GOLGA1: variants seen among roughly 807,000 people sequenced by gnomAD.
The protein encoded by GOLGA1 is golgin subfamily A member 1.
A neutral mutation model predicts 119.7 loss-of-function variants in GOLGA1; 63 were observed. The observed-to-expected ratio is 0.53, with a 90% CI of 0.43 to 0.65. The LOEUF is 0.65. GOLGA1 is among the 30% of genes least tolerant of loss of function. The pLI is 0.00. For synonymous variants in GOLGA1, 318 were observed against 333.4 expected (o/e 0.95, Z 0.50); for missense variants, 798 against 912.8 (o/e 0.87, Z 1.62).
At chr9:124,917,008 T>C (rs1158123540) in intron 10 of GOLGA1, among the ~76,000 whole-genome samples, 1 of 150,756 alleles carries the variant, frequency 6.6e-6, no homozygotes, top group Non-Finnish European at 1.5e-5. Flanking sequence ...CCAGGTATCA[T>C]ATGAATGTTT....
intron 11 of GOLGA1, among the ~76,000 whole-genome samples, chr9:124,908,988 CT>C (rs1261829617): frequency 6.6e-6 from 1 of 152,166 alleles, no homozygotes; most frequent in African/African-American, 2.4e-5. Flanking sequence ...GGAGTTAGAA[CT>C]TGATTCTGTA....
intron 15 of GOLGA1, 54 bp from the exon 16 acceptor site, chr9:124,890,532 G>T: frequency 1.5e-6 from 2 of 1,324,024 alleles, no homozygotes; most frequent in Non-Finnish European, 1.1e-6. Context: ...TTTTTTAGCT[G>T]TATGCCACGC....
chr9:124,899,427 C>T lies in GOLGA1; in HGVS notation c.1213G>A (p.Glu405Lys), dbSNP rs781618865. The T allele has an allele frequency of 6.5e-7, 1 of 1,548,576 alleles. No homozygotes were observed. The highest frequency in any genetic ancestry group is 2.0e-5 in the Admixed American group (1 of 51,228). The change falls in exon 14 of 23, where the codon GAG becomes AAG. Residue 405 changes from glutamate to lysine, a missense_variant. Physicochemically the swap from Glu to Lys is moderately conservative, Grantham distance 56. Transcript: ENST00000373555. ...SHVQQQALAL[E>K]QQFLERTQAL... is the part of the protein sequence containing the mutation. ...TGGGTGCGCTCCAAGAACTGCTGCT[C>T]CAGAGCAAGGGCCTGCTGCTGCACA...
intron 7 of GOLGA1, among the ~76,000 whole-genome samples, chr9:124,925,345 G>A (rs1332924133): frequency 7.1e-6 from 1 of 141,410 alleles, no homozygotes. Flanking sequence ...GTCATTAATA[G>A]CATATGGTTG....
chr9:124,893,799 G>A (rs138361391), intron 15 of GOLGA1, among the ~76,000 whole-genome samples: 19 of 152,276 alleles, frequency 1.2e-4, no homozygotes, highest in African/African-American at 3.9e-4. Context: ...ATACCACCAC[G>A]GCAAAAGCTG....
At chr9:124,909,174 G>A (rs996198176) in intron 11 of GOLGA1, among the ~76,000 whole-genome samples, 5 of 151,980 alleles carry the variant, frequency 3.3e-5, no homozygotes, top group Non-Finnish European at 5.9e-5. Context: ...TTAGCTGGAT[G>A]TGGTGGTGGG....
In GOLGA1 at chr9:124,878,323, G is replaced by A. The variant is rs1369834963; in HGVS notation, c.*2207C>T. The A allele has an allele frequency of 6.6e-6, 1 of 152,302 alleles. No homozygotes were observed. The highest frequency in any genetic ancestry group is 2.4e-5 in the African/African-American group (1 of 41,448). 9.4% of individuals were successfully genotyped at this position (152,302 alleles called of 1,614,324 possible). ...AGACACAAAATACCAGATTTAATGAGTCAAAGAAATACTGACACACCAAAC... is the reference window on the plus strand; with the variant it reads ...AGACACAAAATACCAGATTTAATGAATCAAAGAAATACTGACACACCAAAC... On this transcript the variant is annotated 3_prime_UTR_variant, in exon 23 of 23. Coordinates refer to ENST00000373555, the MANE Select transcript of GOLGA1 (RefSeq NM_002077.4).
chr9:124,885,267 G>T (rs1325764114), intron 19 of GOLGA1, among the ~76,000 whole-genome samples: 1 of 151,662 alleles, frequency 6.6e-6, no homozygotes, highest in African/African-American at 2.4e-5. Context: ...GGCGGAGGTT[G>T]CAGTGAGCTG....
chr9:124,938,209 C>A (rs901503368), intron 3 of GOLGA1, among the ~76,000 whole-genome samples: 1 of 152,136 alleles, frequency 6.6e-6, no homozygotes, highest in South Asian at 2.1e-4. Context: ...ACTCAGAGAC[C>A]TTGTTAAGCA....
intron 10 of GOLGA1, among the ~76,000 whole-genome samples, chr9:124,916,384 G>C (rs954543072): frequency 1.3e-5 from 2 of 151,676 alleles, no homozygotes; most frequent in African/African-American, 2.4e-5. Context: ...GAATAAACTA[G>C]AAAAAAATAG....
chr9:124,922,926 C>G (rs1348008761), intron 8 of GOLGA1, among the ~76,000 whole-genome samples, 169 bp downstream of exon 8: 1 of 151,986 alleles, frequency 6.6e-6, no homozygotes, highest in East Asian at 1.9e-4. Flanking sequence ...TTAAACAGAA[C>G]TTTTCTATTT....
intron 5 of GOLGA1, 88 bp from the exon 6 acceptor site, chr9:124,928,373 T>A: frequency 1.6e-6 from 1 of 621,364 alleles, no homozygotes; most frequent in Non-Finnish European, 2.8e-6. Flanking sequence ...TGTCACCTAA[T>A]GAAAAAGGCC....
chr9:124,939,142 G>GT (rs78434694), intron 2 of GOLGA1, among the ~76,000 whole-genome samples: 159 of 145,098 alleles, frequency 1.1e-3, no homozygotes, highest in Admixed American at 2.0e-3. Context: ...AAATCTCTAC[G>GT]TTTTTTTTTT....
intron 12 of GOLGA1, 54 bp downstream of exon 12, chr9:124,908,323 C>T: frequency 1.1e-6 from 1 of 907,188 alleles, no homozygotes. Context: ...ACCATGTTGC[C>T]ATTCAGCCAG....
intron 3 of GOLGA1, among the ~76,000 whole-genome samples, chr9:124,932,750 G>A (rs932953156): frequency 6.6e-6 from 1 of 152,136 alleles, no homozygotes; most frequent in African/African-American, 2.4e-5. Flanking sequence ...TGGAGCCTAG[G>A]AAGTCCAAAA....
intron 15 of GOLGA1, among the ~76,000 whole-genome samples, chr9:124,893,083 T>C (rs1483475506): frequency 6.6e-6 from 1 of 152,216 alleles, no homozygotes; most frequent in African/African-American, 2.4e-5. Context: ...CACTGCAGCC[T>C]CGACCTTCTA....
intron 8 of GOLGA1, 41 bp downstream of exon 8, chr9:124,923,054 T>C: frequency 2.2e-6 from 3 of 1,394,830 alleles, no homozygotes; most frequent in Non-Finnish European, 3.0e-6. Flanking sequence ...GAGTGAATAA[T>C]CATCTATTCA....
chr9:124,904,977 A>G (rs982778856), intron 12 of GOLGA1, among the ~76,000 whole-genome samples: 3 of 149,686 alleles, frequency 2.0e-5, no homozygotes, highest in Non-Finnish European at 4.5e-5. Context: ...AAATAAATTA[A>G]AAAAATACAA....
chr9:124,901,648 G>T (rs1258653897), intron 12 of GOLGA1, among the ~76,000 whole-genome samples: 1 of 152,022 alleles, frequency 6.6e-6, no homozygotes, highest in Non-Finnish European at 1.5e-5. Flanking sequence ...TGTTAGCCAG[G>T]ATGGTCTCGA....
Sources: gnomAD v4.1 joint callset for allele counts (sites outside exome capture counted in the v4.1 genomes callset) on GRCh38, gnomAD v4.1.1 for gene constraint, MANE v1.5 for transcripts, NCBI Gene and HGNC (gene_info 2026-07-23, HGNC 2026-07-21) for gene names.